CCDC33: variants seen among roughly 807,000 people sequenced by gnomAD.
CCDC33 encodes coiled-coil domain-containing protein 33.
In CCDC33, 94 loss-of-function variants were observed where a neutral mutation model predicts 91.9. That is an observed-to-expected ratio of 1.02 (90% CI 0.87 to 1.21). The LOEUF (loss-of-function observed/expected upper bound fraction) is 1.21. Among genes scored for constraint, CCDC33 ranks in the 50% most tolerant of loss-of-function variants. The pLI, the probability that CCDC33 is intolerant of heterozygous loss-of-function variation, is 0.00. For missense variants in CCDC33, 940 were observed against 935.5 expected (o/e 1.00, Z -0.06); for synonymous variants, 396 against 374.5 (o/e 1.06, Z -0.66).
intron 8 of CCDC33, 86 bp downstream of exon 8, chr15:74,280,178 C>A: frequency 6.7e-7 from 1 of 1,499,734 alleles, no homozygotes; most frequent in Non-Finnish European, 9.1e-7. Context: ...CCCACCTCTG[C>A]CTCCCACAGG....
chr15:74,295,675 G>A (rs2059671389), intron 10 of CCDC33, 79 bp from the exon 11 acceptor site: 2 of 1,243,846 alleles, frequency 1.6e-6, no homozygotes, highest in Middle Eastern at 2.3e-4. Context: ...AGAGGCTTGG[G>A]GTGTAGATGG....
At chr15:74,318,527 G>C in intron 11 of CCDC33, 1 of 668,734 alleles carries the variant, frequency 1.5e-6, no homozygotes, top group South Asian at 1.8e-5. Flanking sequence ...CACCAGGCAG[G>C]CACTTGTTGT....
At chr15:74,286,783 G>A (rs766139675) in intron 10 of CCDC33, among the ~76,000 whole-genome samples, 14 of 152,292 alleles carry the variant, frequency 9.2e-5, no homozygotes, top group Non-Finnish European at 1.8e-4. Context: ...CTGGGATGAC[G>A]TGAAACCCCC....
chr15:74,262,376 G>A, intron 2 of CCDC33, 64 bp from the exon 3 acceptor site: 1 of 1,598,224 alleles, frequency 6.3e-7, no homozygotes, highest in South Asian at 1.1e-5. Flanking sequence ...AGTGGAGCCT[G>A]GGATGGGGAC....
intron 16 of CCDC33, chr15:74,333,102 C>T (rs2060475364): frequency 3.4e-5 from 30 of 880,524 alleles, no homozygotes; most frequent in Non-Finnish European, 5.3e-5. Context: ...GGTCCCTGAA[C>T]CCTGACCCCT....
intron 11 of CCDC33, 57 bp from the exon 12 acceptor site, chr15:74,330,132 G>T (rs759571113): frequency 8.6e-6 from 13 of 1,515,708 alleles, no homozygotes; most frequent in Non-Finnish European, 1.2e-5. Context: ...AGATGTGGAT[G>T]TGGGACCAGG....
At chr15:74,308,658 C>T (rs1281988802) in intron 11 of CCDC33, among the ~76,000 whole-genome samples, 1 of 152,184 alleles carries the variant, frequency 6.6e-6, no homozygotes, top group Non-Finnish European at 1.5e-5. Context: ...CCAGCTCTTA[C>T]TCAAACAGAC....
intron 11 of CCDC33, among the ~76,000 whole-genome samples, chr15:74,329,929 TC>T (rs1357676319): frequency 1.3e-5 from 2 of 152,172 alleles, no homozygotes; most frequent in Non-Finnish European, 2.9e-5. Flanking sequence ...ACCTGGGGTT[TC>T]CCCCTGAGTT....
At chr15:74,246,947 C>A (rs2075550588) in intron 2 of CCDC33, among the ~76,000 whole-genome samples, 2 of 151,630 alleles carry the variant, frequency 1.3e-5, no homozygotes, top group Non-Finnish European at 2.9e-5. Flanking sequence ...GAGTTCAAGA[C>A]CACCCTGGCC....
Position 74,236,397 on chromosome 15 carries a change from G to T in CCDC33, c.-323G>T. The T allele has an allele frequency of 2.8e-6, 1 of 360,972 alleles. No individual in the cohort carries two copies. Among genetic ancestry groups the T allele is most frequent in the Non-Finnish European group, 5.0e-6 (1 of 199,668 alleles). 22.4% of individuals were successfully genotyped at this position (360,972 alleles called of 1,614,324 possible). ...CTCCACCGTCCTAGGTGTGCCAAGA[G>T]TCAATTGCCTCATTGCTGACCCTGT... On this transcript the variant is annotated 5_prime_UTR_variant, in exon 1 of 19. Coordinates refer to ENST00000398814, the MANE Select transcript of CCDC33 (RefSeq NM_025055.5).
At chr15:74,245,311 G>T (rs955538510) in intron 2 of CCDC33, among the ~76,000 whole-genome samples, 6 of 152,176 alleles carry the variant, frequency 3.9e-5, no homozygotes, top group African/African-American at 1.4e-4. Context: ...CTGTGAAAGG[G>T]GGGTAGAAGC....
intron 1 of CCDC33, among the ~76,000 whole-genome samples, chr15:74,238,564 T>C (rs1378545875): frequency 7.2e-5 from 11 of 152,244 alleles, no homozygotes; most frequent in Admixed American, 6.5e-5. Flanking sequence ...TTTTTAAATA[T>C]GCAGCAAACA....
intron 11 of CCDC33, among the ~76,000 whole-genome samples, chr15:74,322,569 C>G (rs1178120167): frequency 6.6e-6 from 1 of 152,200 alleles, no homozygotes; most frequent in African/African-American, 2.4e-5. Context: ...AATATCAGAA[C>G]TTGTGAGATG....
intron 11 of CCDC33, among the ~76,000 whole-genome samples, chr15:74,328,695 G>C (rs993788137): frequency 6.6e-6 from 1 of 152,224 alleles, no homozygotes; most frequent in Admixed American, 6.5e-5. Context: ...GTGGTGTCTG[G>C]TGGGCCCCTG....
At chr15:74,310,379 A>G (rs961478412) in intron 11 of CCDC33, among the ~76,000 whole-genome samples, 15 of 152,046 alleles carry the variant, frequency 9.9e-5, no homozygotes, top group Admixed American at 7.2e-4. Context: ...TCTACTAAAA[A>G]TACAAAAATC....
intron 2 of CCDC33, among the ~76,000 whole-genome samples, chr15:74,220,147 T>C (rs1445504410): frequency 6.6e-6 from 1 of 152,086 alleles, no homozygotes; most frequent in African/African-American, 2.4e-5. Flanking sequence ...AGACCAGATC[T>C]GAGCTGTGGT....
intron 7 of CCDC33, among the ~76,000 whole-genome samples, chr15:74,276,799 C>A (rs1025870525): frequency 1.3e-5 from 2 of 152,236 alleles, no homozygotes; most frequent in Non-Finnish European, 2.9e-5. Context: ...CTGCTGCACT[C>A]GCAGTCTGGA....
At chr15:74,328,407 A>T (rs2142862650) in intron 11 of CCDC33, among the ~76,000 whole-genome samples, 1 of 152,222 alleles carries the variant, frequency 6.6e-6, no homozygotes, top group Admixed American at 6.5e-5. Context: ...CCGTGTGAGG[A>T]CTCTGAGGCT....
At chr15:74,240,739 C>T (rs2075321186) in intron 1 of CCDC33, among the ~76,000 whole-genome samples, 1 of 152,178 alleles carries the variant, frequency 6.6e-6, no homozygotes, top group African/African-American at 2.4e-5. Flanking sequence ...ATTACAGCCT[C>T]ATGCCACCGC....
Sources: allele counts gnomAD v4.1 joint callset (sites outside exome capture counted in the v4.1 genomes callset), GRCh38; gene constraint gnomAD v4.1.1; transcripts MANE v1.5; gene names NCBI Gene and HGNC (gene_info 2026-07-23, HGNC 2026-07-21).